The following FUT8 variants were observed in gnomAD, a reference collection of about 807,000 sequenced individuals.
FUT8 encodes the protein alpha-(1,6)-fucosyltransferase.
In FUT8, 29 loss-of-function variants were observed where a neutral mutation model predicts 71.3. That is an observed-to-expected ratio of 0.41 (90% CI 0.30 to 0.55). FUT8 has a LOEUF of 0.55. FUT8 is among the 20% of genes least tolerant of loss of function. FUT8 has a pLI of 0.34. For missense variants in FUT8, 544 were observed against 702.1 expected (o/e 0.77, Z 2.55); for synonymous variants, 254 against 239.3 (o/e 1.06, Z -0.57).
chr14:65,539,900 G>A (rs549320307), intron 2 of FUT8, among the ~76,000 whole-genome samples: 1 of 152,336 alleles, frequency 6.6e-6, no homozygotes, highest in East Asian at 1.9e-4. Flanking sequence ...GAGACACACA[G>A]AATGAGTCCC....
At chr14:65,705,719 A>G (rs1337386391) in intron 7 of FUT8, among the ~76,000 whole-genome samples, 7 of 152,242 alleles carry the variant, frequency 4.6e-5, no homozygotes, top group African/African-American at 7.2e-5. Context: ...TCTGTGTTTC[A>G]GTACAGAACA....
In FUT8 at chr14:65,669,431, A is replaced by G. The variant is rs754840692; in HGVS notation, c.786A>G (p.Val262=). ...TGGWETVFRP[V]SETCTDRSGI... ...GATGGGAGACTGTATTTAGGCCTGT[A>G]AGTGAGACATGCACAGACAGATCTG... is the stretch of plus-strand genomic sequence containing the variant. The change falls in exon 7 of 11, where the codon GTA becomes GTG. Residue 262 remains valine (V), a synonymous_variant. Coordinates refer to ENST00000673929, the MANE Select transcript of FUT8 (RefSeq NM_001371533.1). The surrounding 1 kb of genome is among the most constrained non-coding windows in gnomAD (Gnocchi z 4.5). 7 of 1,613,626 alleles carry G rather than the reference A, an allele frequency of 4.3e-6. No individual in the cohort carries two copies. The African/African-American group carries it at 6.7e-5, about 15-fold the overall frequency.
intron 2 of FUT8, among the ~76,000 whole-genome samples, chr14:65,547,141 C>G (rs1201001707): frequency 6.6e-6 from 1 of 151,098 alleles, no homozygotes; most frequent in East Asian, 1.9e-4. Flanking sequence ...TCCTTATGCC[C>G]TTGATTAGTC....
intron 1 of FUT8, among the ~76,000 whole-genome samples, chr14:65,429,861 CAAAAAA>C (rs58941594): frequency 0.011 from 881 of 80,984 alleles, 11 homozygotes; most frequent in Non-Finnish European, 0.015. Context: ...GAGACTGTCT[CAAAAAA>C]AAAAAAAAAA....
intron 2 of FUT8, among the ~76,000 whole-genome samples, chr14:65,515,715 T>A (rs1214928546): frequency 1.3e-5 from 2 of 152,142 alleles, no homozygotes; most frequent in Admixed American, 1.3e-4. Flanking sequence ...TTCTTTGACA[T>A]AATCACAGAA....
At chr14:65,653,162 CCT>C (rs760011536) in intron 6 of FUT8, among the ~76,000 whole-genome samples, 2 of 152,036 alleles carry the variant, frequency 1.3e-5, no homozygotes, top group Non-Finnish European at 2.9e-5. Context: ...GTAGAGATCT[CCT>C]CTCTTGGTGG....
chr14:65,544,099 GTATAA>G (rs1191996938), intron 2 of FUT8, among the ~76,000 whole-genome samples: 1 of 152,108 alleles, frequency 6.6e-6, no homozygotes, highest in Non-Finnish European at 1.5e-5. Context: ...TGGAAAAGAA[GTATAA>G]TATAAGTAGA....
intron 7 of FUT8, among the ~76,000 whole-genome samples, chr14:65,708,839 C>T (rs369438354): frequency 5.9e-5 from 9 of 151,860 alleles, no homozygotes; most frequent in Non-Finnish European, 4.4e-5. Flanking sequence ...CTGCTGCGGT[C>T]GGGGGATGGT....
chr14:65,372,843 T>G, the FUT8 span, among the ~76,000 whole-genome samples: 187 of 152,308 alleles, frequency 1.2e-3, 3 homozygotes, highest in East Asian at 0.032. Flanking sequence ...CTGAGTTCCT[T>G]TGTACTCTTA....
intron 9 of FUT8, among the ~76,000 whole-genome samples, chr14:65,729,182 T>A (rs933407481): frequency 1.3e-5 from 2 of 151,348 alleles, no homozygotes; most frequent in African/African-American, 4.9e-5. Context: ...TGCAGCATCA[T>A]GCCCAGCTAA....
rs535831507 is a variant in FUT8, at chr14:65,607,859, C to T, written c.204-8119C>T. On this transcript the variant is annotated intron_variant, in intron 3 of 10. Coordinates refer to ENST00000673929, the MANE Select transcript of FUT8 (RefSeq NM_001371533.1). The surrounding 1 kb of genome is among the most constrained non-coding windows in gnomAD (Gnocchi z 4.1). ...TGGGCAGATCATGAGGTCAGGAGAT[C>T]GAGACCATTACTGGCCAACATGGTG... Among the ~76,000 whole-genome samples, 3 of 151,716 alleles carry T rather than the reference C, an allele frequency of 2.0e-5. No homozygotes were observed. Among genetic ancestry groups the T allele is most frequent in the Admixed American group, 6.6e-5 (1 of 15,224 alleles).
At chr14:65,527,237 T>C (rs1250736045) in intron 2 of FUT8, among the ~76,000 whole-genome samples, 1 of 152,232 alleles carries the variant, frequency 6.6e-6, no homozygotes, top group East Asian at 1.9e-4. Context: ...CATAGTCCCA[T>C]GTTTCTTGGA....
rs1221252957 is a variant in FUT8, at chr14:65,652,829, C to T, written c.598-16414C>T. 2.0e-5 allele frequency among the ~76,000 whole-genome samples: 3 copies of T among 152,174 alleles called. No individual in the cohort carries two copies. The highest frequency in any genetic ancestry group is 4.4e-5 in the Non-Finnish European group (3 of 68,020). ...GGACCTCATGTGGAATACTTGAAGG[C>T]TGGGCTGGAATCATCTGAGAGCACA... On this transcript the variant is annotated intron_variant, in intron 6 of 10. Transcript: ENST00000673929. This position sits in a 1 kb window ranked among gnomAD's most constrained non-coding sequence, Gnocchi z 4.0.
At chr14:65,365,314 C>T in the FUT8 span, among the ~76,000 whole-genome samples, 3 of 147,350 alleles carry the variant, frequency 2.0e-5, no homozygotes, top group South Asian at 6.5e-4. Context: ...CCTCCTGAGA[C>T]CTAATAAATT....
intron 3 of FUT8, among the ~76,000 whole-genome samples, chr14:65,611,335 G>A (rs1291766478): frequency 1.4e-5 from 2 of 143,070 alleles, no homozygotes; most frequent in Non-Finnish European, 3.0e-5. Context: ...TTGCTTGTTG[G>A]CCTATAAAAC....
the FUT8 span, among the ~76,000 whole-genome samples, chr14:65,377,807 C>G: frequency 6.6e-6 from 1 of 151,868 alleles, no homozygotes; most frequent in African/African-American, 2.4e-5. Flanking sequence ...ATCAGGAGAA[C>G]CAGTTGTGAA....
chr14:65,439,226 C>T (rs1319427620), intron 1 of FUT8, among the ~76,000 whole-genome samples: 1 of 152,170 alleles, frequency 6.6e-6, no homozygotes, highest in African/African-American at 2.4e-5. Context: ...AAAATACCAG[C>T]TCTGTCCTGG....
At chr14:65,412,412 GGAGGCGAGT>G, upstream of FUT8, 1 of 443,234 alleles carries the variant, frequency 2.3e-6, no homozygotes, top group Non-Finnish European at 4.5e-6. Flanking sequence ...AGCATTCTCT[GGAGGCGAGT>G]CTCCTCCCGG....
chr14:65,690,308 G>A (rs1330888203), intron 7 of FUT8, among the ~76,000 whole-genome samples: 1 of 152,072 alleles, frequency 6.6e-6, no homozygotes, highest in African/African-American at 2.4e-5. Flanking sequence ...AGTCTTTGAA[G>A]TCAGGTAGAT....
Sources: gnomAD v4.1 joint callset for allele counts (sites outside exome capture counted in the v4.1 genomes callset) on GRCh38, gnomAD v4.1.1 for gene constraint, Gnocchi (gnomAD v3.1) non-coding constraint, MANE v1.5 for transcripts, NCBI Gene and HGNC (gene_info 2026-07-23, HGNC 2026-07-21) for gene names.